The following LHFPL2 variants were observed in gnomAD, a reference collection of about 807,000 sequenced individuals.
The protein encoded by LHFPL2 is LHFPL tetraspan subfamily member 2.
A neutral mutation model predicts 17.5 loss-of-function variants in LHFPL2; 7 were observed. The ratio of observed to expected loss-of-function variants is 0.40; its 90% CI spans 0.23 to 0.75. LHFPL2 has a LOEUF of 0.75. Among genes scored for constraint, LHFPL2 ranks in the 30% least tolerant of loss-of-function variants. The pLI is 0.37. For synonymous variants in LHFPL2, 134 were observed against 116.2 expected (o/e 1.15, Z -0.99); for missense variants, 241 against 294.8 (o/e 0.82, Z 1.34).
intron 2 of LHFPL2, among the ~76,000 whole-genome samples, chr5:78,590,790 T>G (rs980614474): frequency 1.3e-5 from 2 of 152,198 alleles, no homozygotes; most frequent in Admixed American, 1.3e-4. Flanking sequence ...TAGAACAGCG[T>G]AAAGTCATAA....
chr5:78,569,072 G>A (rs1052079917), intron 2 of LHFPL2, among the ~76,000 whole-genome samples: 2 of 152,078 alleles, frequency 1.3e-5, no homozygotes, highest in African/African-American at 4.8e-5. Context: ...AACAACCAAC[G>A]TAAGATGCCT....
At chr5:78,611,828 T>C (rs569810654) in intron 2 of LHFPL2, among the ~76,000 whole-genome samples, 1 of 152,304 alleles carries the variant, frequency 6.6e-6, no homozygotes, top group South Asian at 2.1e-4. Context: ...ACAGAAAATC[T>C]ATCGTTAAAA....
intron 4 of LHFPL2, among the ~76,000 whole-genome samples, chr5:78,491,693 C>G (rs1754450904): frequency 6.6e-6 from 1 of 152,164 alleles, no homozygotes. Context: ...ACATACGATT[C>G]CTCACCTGTA....
intron 2 of LHFPL2, among the ~76,000 whole-genome samples, chr5:78,613,425 A>G (rs1300894686): frequency 6.6e-6 from 1 of 152,198 alleles, no homozygotes; most frequent in Non-Finnish European, 1.5e-5. Context: ...GCCACCGACT[A>G]GTAGAGTGCA....
intron 2 of LHFPL2, among the ~76,000 whole-genome samples, chr5:78,585,585 G>C (rs1481412756): frequency 2.6e-5 from 4 of 152,070 alleles, no homozygotes; most frequent in African/African-American, 9.7e-5. Context: ...GCTCATGCTG[G>C]GAGCTGCATA....
intron 2 of LHFPL2, among the ~76,000 whole-genome samples, chr5:78,596,355 G>A (rs1381245658): frequency 6.6e-6 from 1 of 152,196 alleles, no homozygotes; most frequent in Non-Finnish European, 1.5e-5. Flanking sequence ...CTGCCTAGAG[G>A]ACGACCTTTC....
At chr5:78,494,631 G>T in intron 4 of LHFPL2, 2 of 422,736 alleles carry the variant, frequency 4.7e-6, no homozygotes, top group Non-Finnish European at 6.3e-6. Context: ...CAACCTCACC[G>T]ATGGTCATGG....
In LHFPL2 at chr5:78,510,362, A is replaced by C. The variant is rs1000287899; in HGVS notation, c.-149T>G. On this transcript the variant is annotated 5_prime_UTR_variant, in exon 4 of 5. Coordinates refer to ENST00000380345, the MANE Select transcript of LHFPL2 (RefSeq NM_005779.3). ...CGCCGGCCGCGTTCATGCTGGGGAC[A>C]GCGCTCCCGGACCCAGAGCACCGCC... 5.0e-6 allele frequency: 4 copies of C among 796,980 alleles called. No homozygotes were observed. In the African/African-American group the frequency reaches 7.0e-5, roughly 14 times the overall value. 49.4% of individuals were successfully genotyped at this position (796,980 alleles called of 1,614,324 possible).
At chr5:78,525,652 GAA>G (rs1363424276) in intron 3 of LHFPL2, among the ~76,000 whole-genome samples, 1 of 152,176 alleles carries the variant, frequency 6.6e-6, no homozygotes, top group Non-Finnish European at 1.5e-5. Context: ...AGAATAAAGA[GAA>G]AAGAGATGAA....
At chr5:78,561,910 A>G (rs1756739359) in intron 3 of LHFPL2, among the ~76,000 whole-genome samples, 1 of 152,150 alleles carries the variant, frequency 6.6e-6, no homozygotes, top group Admixed American at 6.5e-5. Flanking sequence ...CCTTATGCTA[A>G]TCACCCACCC....
chr5:78,628,336 G>T lies in LHFPL2; in HGVS notation c.-245+3928C>A, dbSNP rs560724052. On this transcript the variant is annotated intron_variant, in intron 2 of 4. Coordinates refer to ENST00000380345, the MANE Select transcript of LHFPL2 (RefSeq NM_005779.3). The stretch of plus-strand genomic sequence containing the variant: ...TACCCCAATTCTCTCTCTTTTAAAC[G>T]GATATGAGACCCTGAACACCCACAG... Among the ~76,000 whole-genome samples the T allele has an allele frequency of 3.2e-4, 49 of 152,174 alleles. No homozygotes were observed. In the South Asian group the frequency reaches 1.0e-2, roughly 31 times the overall value.
At chr5:78,508,114 A>G (rs1754989967) in intron 4 of LHFPL2, among the ~76,000 whole-genome samples, 1 of 152,194 alleles carries the variant, frequency 6.6e-6, no homozygotes, top group African/African-American at 2.4e-5. Context: ...AGTCATCTTC[A>G]GAAGTGAGTC....
intron 2 of LHFPL2, among the ~76,000 whole-genome samples, chr5:78,598,940 G>C (rs993338110): frequency 2.0e-4 from 31 of 152,256 alleles, no homozygotes; most frequent in African/African-American, 7.2e-4. Context: ...TATTATACCT[G>C]TACAACACCT....
intron 3 of LHFPL2, among the ~76,000 whole-genome samples, chr5:78,551,604 G>A (rs544042267): frequency 2.0e-5 from 3 of 152,192 alleles, no homozygotes; most frequent in East Asian, 1.9e-4. Flanking sequence ...ACCCCAAAAC[G>A]AAGCCCTAGC....
chr5:78,525,104 TAGC>T (rs1414951794), intron 3 of LHFPL2, among the ~76,000 whole-genome samples: 29 of 152,192 alleles, frequency 1.9e-4, no homozygotes, highest in African/African-American at 6.8e-4. Flanking sequence ...TATATGCCAG[TAGC>T]GCGCTCTCAG....
At chr5:78,587,841 C>A (rs948563125) in intron 2 of LHFPL2, among the ~76,000 whole-genome samples, 1 of 152,228 alleles carries the variant, frequency 6.6e-6, no homozygotes, top group Non-Finnish European at 1.5e-5. Context: ...CAGTGCAAAT[C>A]CTTATCATCT....
At chr5:78,554,584 GAA>G (rs1756524846) in intron 3 of LHFPL2, among the ~76,000 whole-genome samples, 1 of 152,220 alleles carries the variant, frequency 6.6e-6, no homozygotes, top group Non-Finnish European at 1.5e-5. Context: ...CCCAACCTAA[GAA>G]AAGTACCAGA....
chr5:78,520,073 T>C (rs901592809), intron 3 of LHFPL2, among the ~76,000 whole-genome samples: 10 of 152,066 alleles, frequency 6.6e-5, no homozygotes, highest in Non-Finnish European at 7.4e-5. Flanking sequence ...GCCACGCTTT[T>C]TGGGTGGAAC....
chr5:78,587,478 CA>C (rs1297721493), intron 2 of LHFPL2, among the ~76,000 whole-genome samples: 4 of 152,202 alleles, frequency 2.6e-5, no homozygotes, highest in Non-Finnish European at 4.4e-5. Context: ...ACCTCCTGGA[CA>C]AAGTGGGAGA....
Sources: gnomAD v4.1 joint callset for allele counts (sites outside exome capture counted in the v4.1 genomes callset) on GRCh38, gnomAD v4.1.1 for gene constraint, MANE v1.5 for transcripts, NCBI Gene and HGNC (gene_info 2026-07-23, HGNC 2026-07-21) for gene names.